Variants in NBEA observed in about 807,000 individuals in gnomAD.
NBEA encodes lysosomal-trafficking regulator 2.
In NBEA, 44 loss-of-function variants were observed where a neutral mutation model predicts 343.4. The observed-to-expected ratio is 0.13, with a 90% confidence interval of 0.10 to 0.16. The LOEUF is 0.16. Among genes scored for constraint, NBEA ranks in the 10% least tolerant of loss-of-function variants. NBEA has a pLI of 1.00. For synonymous variants in NBEA, 1,175 were observed against 1,238.7 expected, an observed-to-expected ratio of 0.95 and a Z score of 1.08; for missense variants, 2,555 against 3,631.3, an observed-to-expected ratio of 0.70 and a Z score of 7.62.
At chr13:35,507,550 CTG>C (rs1249435844) in intron 41 of NBEA, among the ~76,000 whole-genome samples, 2 of 152,106 alleles carry the variant, frequency 1.3e-5, no homozygotes, top group African/African-American at 2.4e-5. Context: ...CAAAATATTG[CTG>C]TACCTACAGT....
intron 34 of NBEA, among the ~76,000 whole-genome samples, chr13:35,263,314 G>C (rs1362690615): frequency 6.6e-6 from 1 of 152,100 alleles, no homozygotes; most frequent in African/African-American, 2.4e-5. Flanking sequence ...AGAAAAGATA[G>C]ACTGCAATCC....
rs545291638 is a variant in NBEA at position 35,078,819 on chromosome 13, C to T, written c.1571+7967C>T. On this transcript the variant is annotated intron_variant, in intron 10 of 58. Coordinates refer to ENST00000379939, the MANE Select transcript of NBEA (RefSeq NM_001385012.1). ...CGGGCGGATCACGAGGTCAAGAGAT[C>T]GAGAGCATCCTGGCCAACATGGTGA... 6.6e-5 allele frequency among the ~76,000 whole-genome samples: 10 copies of T among 152,174 alleles called. No individual in the cohort carries two copies. The South Asian group carries it at 1.0e-3, about 16-fold the overall frequency.
chr13:35,041,985 T>C (rs2062668312), intron 2 of NBEA, among the ~76,000 whole-genome samples: 1 of 151,944 alleles, frequency 6.6e-6, no homozygotes, highest in Non-Finnish European at 1.5e-5. Flanking sequence ...AGTGCTGATA[T>C]TACCCTCCAC....
intron 5 of NBEA, 47 bp downstream of exon 5, chr13:35,048,731 A>C: frequency 9.4e-7 from 1 of 1,059,188 alleles, no homozygotes; most frequent in Non-Finnish European, 1.4e-6. Context: ...AAGTACTTGA[A>C]TTCTATAAAT....
chr13:35,013,443 A>G (rs941148671), intron 1 of NBEA, among the ~76,000 whole-genome samples: 2 of 152,090 alleles, frequency 1.3e-5, no homozygotes, highest in African/African-American at 4.8e-5. Context: ...TTTCCTTTAT[A>G]CACATTTATT....
intron 41 of NBEA, among the ~76,000 whole-genome samples, chr13:35,489,996 G>C (rs183112755): frequency 6.6e-6 from 1 of 152,000 alleles, no homozygotes; most frequent in Admixed American, 6.6e-5. Context: ...CCCTCACCAA[G>C]TAGTCAGTGA....
intron 8 of NBEA, 66 bp downstream of exon 8, chr13:35,058,929 AT>A: frequency 7.6e-7 from 1 of 1,318,634 alleles, no homozygotes. Context: ...GTGTAATATC[AT>A]TTTTAGTGAA....
chr13:35,105,860 A>G (rs1199554626), intron 11 of NBEA, among the ~76,000 whole-genome samples: 5 of 152,040 alleles, frequency 3.3e-5, no homozygotes, highest in African/African-American at 1.2e-4. Flanking sequence ...ACTCATACAC[A>G]TTATATGTAT....
intron 1 of NBEA, among the ~76,000 whole-genome samples, chr13:35,017,163 A>G (rs2152538546): frequency 6.6e-6 from 1 of 152,288 alleles, no homozygotes; most frequent in East Asian, 1.9e-4. Flanking sequence ...GTAGTGCTTC[A>G]TTTATAGTGG....
chr13:35,375,537 T>C (rs1566046112), intron 38 of NBEA, among the ~76,000 whole-genome samples: 1 of 152,270 alleles, frequency 6.6e-6, no homozygotes, highest in South Asian at 2.1e-4. Flanking sequence ...TGAATTATGA[T>C]TAAACATACA....
chr13:35,527,755 C>T (rs946121972), intron 41 of NBEA, among the ~76,000 whole-genome samples: 1 of 152,186 alleles, frequency 6.6e-6, no homozygotes, highest in Non-Finnish European at 1.5e-5. Flanking sequence ...ATAGGGATGC[C>T]CAGGTCCAGA....
intron 1 of NBEA, among the ~76,000 whole-genome samples, chr13:35,036,998 C>T (rs536920617): frequency 3.3e-5 from 5 of 152,240 alleles, no homozygotes; most frequent in African/African-American, 1.2e-4. Context: ...CTACACCTAT[C>T]TGTTTCTTTA....
At chr13:35,473,154 A>T (rs2075727183) in intron 41 of NBEA, among the ~76,000 whole-genome samples, 1 of 152,200 alleles carries the variant, frequency 6.6e-6, no homozygotes, top group African/African-American at 2.4e-5. Context: ...GGACCATTTA[A>T]ATGCATATTT....
intron 35 of NBEA, among the ~76,000 whole-genome samples, chr13:35,296,293 A>G (rs532797786): frequency 5.3e-4 from 81 of 151,514 alleles, no homozygotes; most frequent in African/African-American, 1.7e-3. Flanking sequence ...AGGCAGGAGA[A>G]TCTCTTGATC....
intron 1 of NBEA, among the ~76,000 whole-genome samples, chr13:35,008,889 C>G (rs538339511): frequency 6.6e-6 from 1 of 152,154 alleles, no homozygotes; most frequent in African/African-American, 2.4e-5. Context: ...TCACTGTTTT[C>G]ATGGGCATAT....
intron 36 of NBEA, among the ~76,000 whole-genome samples, chr13:35,317,831 A>G (rs2037850366): frequency 6.6e-6 from 1 of 151,912 alleles, no homozygotes; most frequent in Admixed American, 6.6e-5. Flanking sequence ...ATCCCTTGTG[A>G]GTTGTATTCC....
rs1373560046 is a variant in NBEA, at chr13:34,968,864, TTTAATATCAATTA to T, written c.294+25763_294+25775del. Among the ~76,000 whole-genome samples the T allele has an allele frequency of 4.9e-5, 7 of 142,404 alleles. No individual in the cohort carries two copies. The South Asian group carries it at 1.3e-3, about 27-fold the overall frequency. The allele number at this position is 142,404 out of a possible 152,430, so 93.4% of individuals were successfully genotyped here. A position where few individuals can be genotyped will look rare whatever the true frequency, so the allele number is the denominator to read the frequency against. ...AACACATATGCTGTGATTAATGTGT[TTTAATATCAATTA>T]TTAATATCAATTGATTGTTAATATC... On this transcript the variant is annotated intron_variant, in intron 1 of 58. Coordinates refer to ENST00000379939, the MANE Select transcript of NBEA (RefSeq NM_001385012.1).
At chr13:35,557,806 A>G (rs1387395479) in intron 44 of NBEA, among the ~76,000 whole-genome samples, 1 of 152,184 alleles carries the variant, frequency 6.6e-6, no homozygotes, top group Non-Finnish European at 1.5e-5. Flanking sequence ...TGAGCTTAGC[A>G]GAGGGGAGGC....
intron 1 of NBEA, among the ~76,000 whole-genome samples, chr13:35,022,981 T>G (rs2061900184): frequency 6.6e-6 from 1 of 152,140 alleles, no homozygotes; most frequent in African/African-American, 2.4e-5. Context: ...CTCAAGAGCT[T>G]TATAATATAG....
Sources: gnomAD v4.1 joint callset for allele counts (sites outside exome capture counted in the v4.1 genomes callset) on GRCh38, gnomAD v4.1.1 for gene constraint, MANE v1.5 for transcripts, NCBI Gene and HGNC (gene_info 2026-07-23, HGNC 2026-07-21) for gene names.